NKAIN2: variants seen among roughly 807,000 people sequenced by gnomAD.
The protein encoded by NKAIN2 is sodium/potassium transporting ATPase interacting 2.
A neutral mutation model predicts 32.6 loss-of-function variants in NKAIN2; 14 were observed. That is an observed-to-expected ratio of 0.43 (90% CI 0.28 to 0.67). The LOEUF is 0.67. Ranked by LOEUF, NKAIN2 falls within the 30% of genes least tolerant of loss-of-function variation. The pLI is 0.17. For missense variants in NKAIN2, 198 were observed against 258.3 expected (o/e 0.77, Z 1.60); for synonymous variants, 80 against 87.2 (o/e 0.92, Z 0.46).
At chr6:124,596,815 C>T (rs922864821) in intron 3 of NKAIN2, among the ~76,000 whole-genome samples, 4 of 151,868 alleles carry the variant, frequency 2.6e-5, no homozygotes, top group African/African-American at 9.7e-5. Context: ...GGAATTGCCT[C>T]GTGGTTATAG....
At chr6:124,257,216 A>G (rs73770381) in intron 1 of NKAIN2, among the ~76,000 whole-genome samples, 4,350 of 152,164 alleles carry the variant, frequency 0.029, 186 homozygotes, top group African/African-American at 0.1. Context: ...TGAACTAACC[A>G]AAGGGTAAAA....
chr6:124,362,923 C>T (rs539598797), intron 3 of NKAIN2, among the ~76,000 whole-genome samples: 1 of 152,130 alleles, frequency 6.6e-6, no homozygotes, highest in Non-Finnish European at 1.5e-5. Context: ...TAGCCTCCGC[C>T]TCCCAGGTTC....
At chr6:123,922,827 T>C in intron 1 of NKAIN2, among the ~76,000 whole-genome samples, 1 of 152,210 alleles carries the variant, frequency 6.6e-6, no homozygotes, top group East Asian at 1.9e-4. Context: ...CTTCTTACTT[T>C]ATTGAAAGAT....
chr6:124,354,093 T>C (rs947351385), intron 2 of NKAIN2, among the ~76,000 whole-genome samples: 1 of 152,192 alleles, frequency 6.6e-6, no homozygotes, highest in Non-Finnish European at 1.5e-5. Context: ...TGCTTTTAAG[T>C]CCATTCGTTT....
chr6:124,074,806 C>T (rs904362066), intron 1 of NKAIN2, among the ~76,000 whole-genome samples: 6 of 152,168 alleles, frequency 3.9e-5, no homozygotes, highest in South Asian at 2.1e-4. Context: ...CTTTCTGCTA[C>T]GAACCCATAC....
intron 1 of NKAIN2, among the ~76,000 whole-genome samples, chr6:124,218,589 A>G (rs766895553): frequency 4.6e-4 from 70 of 152,214 alleles, no homozygotes; most frequent in Non-Finnish European, 9.0e-4. Flanking sequence ...TCTACCAACT[A>G]CTAATAGCAA....
chr6:124,722,080 C>G (rs1776049212), intron 4 of NKAIN2, among the ~76,000 whole-genome samples: 2 of 152,190 alleles, frequency 1.3e-5, no homozygotes, highest in African/African-American at 4.8e-5. Flanking sequence ...CAGTACTTAT[C>G]TTTTTGTGAC....
chr6:124,152,170 A>G (rs1205196401), intron 1 of NKAIN2, among the ~76,000 whole-genome samples: 5 of 151,978 alleles, frequency 3.3e-5, no homozygotes, highest in Admixed American at 1.3e-4. Flanking sequence ...ATTCCCATAC[A>G]GATGTCCAGT....
intron 5 of NKAIN2, among the ~76,000 whole-genome samples, chr6:124,816,553 A>G (rs1272622989): frequency 1.3e-5 from 2 of 152,180 alleles, no homozygotes; most frequent in Non-Finnish European, 2.9e-5. Context: ...AATTATCTGT[A>G]CTTTCTGCTC....
intron 1 of NKAIN2, among the ~76,000 whole-genome samples, chr6:124,278,657 A>G (rs1265341929): frequency 0.014 from 1,098 of 80,938 alleles, 25 homozygotes; most frequent in African/African-American, 0.063. Context: ...GCTCATATAT[A>G]TATATATATA....
intron 3 of NKAIN2, among the ~76,000 whole-genome samples, chr6:124,404,749 C>T (rs1773773831): frequency 6.6e-6 from 1 of 151,806 alleles, no homozygotes; most frequent in South Asian, 2.1e-4. Context: ...GACCCTATTA[C>T]ATTTACATAG....
At chr6:124,114,443 A>G (rs1276608843) in intron 1 of NKAIN2, among the ~76,000 whole-genome samples, 4 of 152,074 alleles carry the variant, frequency 2.6e-5, no homozygotes, top group African/African-American at 7.2e-5. Context: ...TGTTAATTTT[A>G]TATTCCTATT....
chr6:124,358,001 C>T (rs9401736), intron 3 of NKAIN2, among the ~76,000 whole-genome samples: 20,973 of 152,082 alleles, frequency 0.14, 1,575 homozygotes, highest in African/African-American at 0.19. Context: ...GTTCAATTCC[C>T]GTCTATGAGT....
At chr6:124,569,133 A>G (rs1781031040) in intron 3 of NKAIN2, among the ~76,000 whole-genome samples, 1 of 152,194 alleles carries the variant, frequency 6.6e-6, no homozygotes, top group Non-Finnish European at 1.5e-5. Context: ...AATAATTTCA[A>G]TAAACTGTAT....
intron 2 of NKAIN2, among the ~76,000 whole-genome samples, chr6:124,338,502 A>G (rs546165267): frequency 1.1e-4 from 17 of 152,258 alleles, no homozygotes; most frequent in African/African-American, 4.1e-4. Context: ...TTTGCTTTCA[A>G]AGTTTGTTGC....
At chr6:124,291,413 A>G (rs1257060611) in intron 2 of NKAIN2, among the ~76,000 whole-genome samples, 2 of 152,014 alleles carry the variant, frequency 1.3e-5, no homozygotes, top group Non-Finnish European at 2.9e-5. Context: ...ATCATATTCA[A>G]TGTATGGCAA....
chr6:124,542,982 G>A (rs531697803), intron 3 of NKAIN2, among the ~76,000 whole-genome samples: 6 of 152,018 alleles, frequency 3.9e-5, no homozygotes, highest in Non-Finnish European at 8.8e-5. Flanking sequence ...CTACTAGATT[G>A]GTCCCCTTTC....
intron 1 of NKAIN2, among the ~76,000 whole-genome samples, chr6:124,168,847 A>G (rs1788702653): frequency 6.6e-6 from 1 of 152,124 alleles, no homozygotes. Context: ...GATACTTCAG[A>G]GTACTATTCT....
chr6:124,314,751 T>C (rs1796871229), intron 2 of NKAIN2, among the ~76,000 whole-genome samples: 1 of 152,176 alleles, frequency 6.6e-6, no homozygotes, highest in African/African-American at 2.4e-5. Context: ...CTGTGAGCCC[T>C]CAACAGCTAA....
Sources: allele counts gnomAD v4.1 joint callset (sites outside exome capture counted in the v4.1 genomes callset), GRCh38; gene constraint gnomAD v4.1.1; transcripts MANE v1.5; gene names NCBI Gene and HGNC (gene_info 2026-07-23, HGNC 2026-07-21).